The following NATD1 variants were observed in gnomAD, a reference collection of about 807,000 sequenced individuals.
NATD1 encodes the protein N-acetyltransferase domain containing 1, also known as protein NATD1.
In NATD1, 9 loss-of-function variants were observed where a neutral mutation model predicts 12.0. That is an observed-to-expected ratio of 0.75 (90% CI 0.45 to 1.30). The LOEUF is 1.30. NATD1 is among the 50% of genes most tolerant of loss of function. The pLI is 0.00. For synonymous variants in NATD1, 71 were observed against 65.9 expected (o/e 1.08, Z -0.37); for missense variants, 148 against 148.5 (o/e 1.00, Z 0.02).
At position 21,239,060 on chromosome 17, in the gene NATD1, GA is replaced by G. The variant is rs1975238885; in HGVS notation, c.*4252del. ...AGTGGGACCCTGAGAATCGTAAAGG[GA>G]TATTTGGGTGGACTTGAGCAAATCC... On this transcript the variant is annotated 3_prime_UTR_variant, in exon 3 of 3. Coordinates refer to ENST00000611551, the MANE Select transcript of NATD1 (RefSeq NM_152914.3). 6.6e-6 allele frequency: 1 copy of G among 152,192 alleles called. No homozygotes were observed. 9.4% of individuals were successfully genotyped at this position (152,192 alleles called of 1,614,324 possible). A position where few individuals can be genotyped will look rare whatever the true frequency, so the allele number is the denominator to read the frequency against.
chr17:21,245,771 C>A (rs1357006246), intron 1 of NATD1, among the ~76,000 whole-genome samples: 1 of 152,172 alleles, frequency 6.6e-6, no homozygotes, highest in Non-Finnish European at 1.5e-5. Flanking sequence ...TTTCTCCGTT[C>A]CTGCCAGGCC....
At position 21,243,317 on chromosome 17, in the gene NATD1, G is replaced by A. The variant is rs746028961; in HGVS notation, c.338C>T (p.Pro113Leu). 11 of 1,611,774 alleles carry A rather than the reference G, an allele frequency of 6.8e-6. No individual in the cohort carries two copies. The Admixed American group carries it at 8.3e-5, about 12-fold the overall frequency. ...PLPQYLERLQ[P>L] ...GCTCCCGCCTGCAGGCCAGGGTTAC[G>A]GCTGCAGGCGCTCCAGGTACTGCGG... Residue 113 changes from proline (P) to leucine (L), a missense_variant, in exon 3 of 3, where the codon CCG becomes CTG. By Grantham distance (98) the Pro-to-Leu change is moderately conservative (BLOSUM62 -3). Coordinates refer to ENST00000611551, the MANE Select transcript of NATD1 (RefSeq NM_152914.3).
chr17:21,245,969 C>G (rs1469143717), intron 1 of NATD1, among the ~76,000 whole-genome samples: 1 of 152,214 alleles, frequency 6.6e-6, no homozygotes, highest in African/African-American at 2.4e-5. Flanking sequence ...CTTGGCTCCC[C>G]ACCTGCTGGG....
chr17:21,253,176 A>C lies in NATD1; in HGVS notation c.89T>G (p.Phe30Cys), dbSNP rs1975395002. Residue 30 changes from phenylalanine (F) to cysteine (C), a missense_variant, in exon 1 of 3, where the codon TTC becomes TGC. Physicochemically the swap from Phe to Cys is radical, Grantham distance 205. Coordinates refer to ENST00000611551, the MANE Select transcript of NATD1 (RefSeq NM_152914.3). ...CGCCTTACCGTTGAGCCGGACAGTG[A>C]ACTGGCGGCGCCGGCGGTCGTGCTC... Reference protein sequence around the residue: ...RVEHDRRRRQFTVRLNGCHDR... With the variant: ...RVEHDRRRRQCTVRLNGCHDR... The C allele has an allele frequency of 7.9e-6, 8 of 1,018,428 alleles. No homozygotes were observed. Among genetic ancestry groups the C allele is most frequent in the Non-Finnish European group, 9.4e-6 (8 of 853,046 alleles). The allele number at this position is 1,018,428 out of a possible 1,614,324, so 63.1% of individuals were successfully genotyped here. A position where few individuals can be genotyped will look rare whatever the true frequency, so the allele number is the denominator to read the frequency against.
intron 1 of NATD1, among the ~76,000 whole-genome samples, chr17:21,251,507 G>A (rs537006682): frequency 1.6e-4 from 25 of 152,254 alleles, no homozygotes; most frequent in African/African-American, 5.8e-4. Flanking sequence ...ACTTGCCTCT[G>A]CCTGGTGGTG....
intron 1 of NATD1, among the ~76,000 whole-genome samples, chr17:21,246,040 C>G (rs113031025): frequency 1.8e-4 from 28 of 152,286 alleles, no homozygotes; most frequent in African/African-American, 6.3e-4. Flanking sequence ...GGACTGACTC[C>G]GTCACCAAGG....
chr17:21,243,955 G>T, intron 2 of NATD1, 151 bp downstream of exon 2: 1 of 639,498 alleles, frequency 1.6e-6, no homozygotes, highest in Non-Finnish European at 2.6e-6. Flanking sequence ...CAGAACAGGA[G>T]CCTGGGCCCA....
At chr17:21,252,477 A>G (rs998348689) in intron 1 of NATD1, among the ~76,000 whole-genome samples, 1 of 152,174 alleles carries the variant, frequency 6.6e-6, no homozygotes, top group African/African-American at 2.4e-5. Context: ...TGGGGTGTGC[A>G]CTGGTATTAT....
chr17:21,240,269 A>C lies in NATD1; in HGVS notation c.*3044T>G, dbSNP rs1426291019. ...GAAGTCACTGTTATCCTGCAGGGAG[A>C]CCTCAGCCAAGCCCCAGTGACACGC... On this transcript the variant is annotated 3_prime_UTR_variant, in exon 3 of 3. Coordinates refer to ENST00000611551, the MANE Select transcript of NATD1 (RefSeq NM_152914.3). 1.3e-5 allele frequency: 2 copies of C among 152,152 alleles called. No individual in the cohort carries two copies. The highest frequency in any genetic ancestry group is 2.9e-5 in the Non-Finnish European group (2 of 68,046). 9.4% of individuals were successfully genotyped at this position (152,152 alleles called of 1,614,324 possible).
At chr17:21,252,928 T>C (rs1161715019) in intron 1 of NATD1, among the ~76,000 whole-genome samples, 1 of 151,726 alleles carries the variant, frequency 6.6e-6, no homozygotes. Flanking sequence ...CCCGTTCCAC[T>C]TCCCGGAGCG....
rs1337390599 is a variant in NATD1, at chr17:21,240,042, T to C, written c.*3271A>G. ...CCTCCCTGCATTGGACCAGAAATTCTAAAGGAAGCAACTTCTTATGGCACA... is the reference window on the plus strand; with the variant it reads ...CCTCCCTGCATTGGACCAGAAATTCCAAAGGAAGCAACTTCTTATGGCACA... On this transcript the variant is annotated 3_prime_UTR_variant, in exon 3 of 3. Transcript: ENST00000611551. The C allele has an allele frequency of 1.3e-5, 2 of 152,304 alleles. No individual in the cohort carries two copies. The highest frequency in any genetic ancestry group is 4.8e-5 in the African/African-American group (2 of 41,466). 9.4% of individuals were successfully genotyped at this position (152,304 alleles called of 1,614,324 possible). A position where few individuals can be genotyped will look rare whatever the true frequency, so the allele number is the denominator to read the frequency against.
At chr17:21,248,804 G>A (rs1175585235) in intron 1 of NATD1, among the ~76,000 whole-genome samples, 1 of 152,152 alleles carries the variant, frequency 6.6e-6, no homozygotes, top group South Asian at 2.1e-4. Context: ...CTAGGGCAGG[G>A]CAGGGCCCTC....
At chr17:21,252,661 G>A (rs989204978) in intron 1 of NATD1, among the ~76,000 whole-genome samples, 3 of 151,906 alleles carry the variant, frequency 2.0e-5, no homozygotes, top group Non-Finnish European at 4.4e-5. Flanking sequence ...CGTGTAGAAA[G>A]ACTAAGATTC....
chr17:21,249,312 C>T lies in NATD1; in HGVS notation c.106+3847G>A, dbSNP rs531764330. Among the ~76,000 whole-genome samples the T allele has an allele frequency of 1.7e-4, 26 of 152,310 alleles. 1 individual carries two copies. In the South Asian group the frequency reaches 5.0e-3, roughly 29 times the overall value. ...GACAAGGACAAGCAGACACCCTGGC[C>T]GGCTTTTCTGGCACCTCTGTAAGTA... On this transcript the variant is annotated intron_variant, in intron 1 of 2. Coordinates refer to ENST00000611551, the MANE Select transcript of NATD1 (RefSeq NM_152914.3).
In NATD1 at chr17:21,253,305, G is replaced by T; in HGVS notation, c.-41C>A. On this transcript the variant is annotated 5_prime_UTR_variant, in exon 1 of 3. Transcript: ENST00000611551. The stretch of plus-strand genomic sequence containing the variant: ...CGGCGCGGCGCCGGCGGGGGCCGGG[G>T]CGCGCGGGGAAAGGTCAGGCGCGCG... The T allele has an allele frequency of 1.1e-6, 1 of 899,060 alleles. No homozygotes were observed. The highest frequency in any genetic ancestry group is 1.8e-5 in the African/African-American group (1 of 54,972). The allele number at this position is 899,060 out of a possible 1,614,324, so 55.7% of individuals were successfully genotyped here.
rs1975393670 is a variant in NATD1 at position 21,253,071 on chromosome 17, C to CG, written c.106+87dup. On this transcript the variant is annotated intron_variant, in intron 1 of 2. Coordinates refer to ENST00000611551, the MANE Select transcript of NATD1 (RefSeq NM_152914.3). ...GGGCCGGAGCCGGGCCGCGGGCGCG[C>CG]GGGGGACAGGCACCCAGCAAGGGGG... 4 of 654,092 alleles carry CG rather than the reference C, an allele frequency of 6.1e-6. No individual in the cohort carries two copies. The South Asian group carries it at 2.6e-4, about 43-fold the overall frequency. The allele number at this position is 654,092 out of a possible 1,614,324, so 40.5% of individuals were successfully genotyped here. A position where few individuals can be genotyped will look rare whatever the true frequency, so the allele number is the denominator to read the frequency against.
chr17:21,248,038 T>C (rs1305602261), intron 1 of NATD1, among the ~76,000 whole-genome samples: 1 of 151,944 alleles, frequency 6.6e-6, no homozygotes, highest in Non-Finnish European at 1.5e-5. Context: ...AGAGGGCATC[T>C]GGGGTGGCCA....
rs747864459 is a variant in NATD1, at chr17:21,243,130, C to T, written c.*183G>A. ...CTGGCCTCCTTGCCGCCTCGGTTAC[C>T]GGGTCACCGCCCATCATTGGTCAGC... is the stretch of plus-strand genomic sequence containing the variant. On this transcript the variant is annotated 3_prime_UTR_variant, in exon 3 of 3. Transcript: ENST00000611551. 14 of 557,184 alleles carry T rather than the reference C, an allele frequency of 2.5e-5. No individual in the cohort carries two copies. Among genetic ancestry groups the T allele is most frequent in the African/African-American group, 1.9e-4 (10 of 53,160 alleles). The allele number at this position is 557,184 out of a possible 1,614,324, so 34.5% of individuals were successfully genotyped here.
intron 1 of NATD1, among the ~76,000 whole-genome samples, chr17:21,248,547 A>G (rs1446985824): frequency 6.6e-6 from 1 of 152,186 alleles, no homozygotes; most frequent in Non-Finnish European, 1.5e-5. Context: ...TCACGTGCCC[A>G]GAAGCCTCCC....
Sources: allele counts gnomAD v4.1 joint callset (sites outside exome capture counted in the v4.1 genomes callset), GRCh38; gene constraint gnomAD v4.1.1; transcripts MANE v1.5; gene names NCBI Gene and HGNC (gene_info 2026-07-23, HGNC 2026-07-21).